The following CNR1 variants were observed in gnomAD, a reference collection of about 807,000 sequenced individuals.
CNR1 encodes cannabinoid receptor 1.
CNR1 carries 10 observed loss-of-function variants against 23.0 expected under a neutral mutation model. The ratio of observed to expected loss-of-function variants is 0.43; its 90% CI spans 0.27 to 0.74. The LOEUF is 0.74. Among genes scored for constraint, CNR1 ranks in the 30% least tolerant of loss-of-function variants. The pLI, the probability that CNR1 is intolerant of heterozygous loss-of-function variation, is 0.19. For synonymous variants in CNR1, 271 were observed against 255.2 expected, an observed-to-expected ratio of 1.06 and a Z score of -0.59; for missense variants, 422 against 618.8, an observed-to-expected ratio of 0.68 and a Z score of 3.37.
intron 1 of CNR1, chr6:88,164,120 A>G (rs920686993): frequency 2.0e-5 from 3 of 152,360 alleles, no homozygotes; most frequent in African/African-American, 7.2e-5. Flanking sequence ...TTGCTTTCCT[A>G]ACAACGAGTA....
At position 88,157,792 on chromosome 6, in the gene CNR1, T is replaced by C. The variant is rs148321004; in HGVS notation, c.-64+8011A>G. Among the ~76,000 whole-genome samples the C allele has an allele frequency of 2.1e-3, 324 of 152,272 alleles. 2 individuals are homozygous for C. Among genetic ancestry groups the C allele is most frequent in the Admixed American group, 5.7e-3 (87 of 15,300 alleles). ...CAATAATCACTACTGGTCCTAACTC[T>C]GTGATGAAAAAGAACAGAAAATTAA... On this transcript the variant is annotated intron_variant, in intron 1 of 1. Coordinates refer to ENST00000369501, the MANE Select transcript of CNR1 (RefSeq NM_016083.6).
At chr6:88,155,673 A>T (rs1207102830) in intron 1 of CNR1, among the ~76,000 whole-genome samples, 1 of 152,240 alleles carries the variant, frequency 6.6e-6, no homozygotes, top group Non-Finnish European at 1.5e-5. Context: ...TGATCTGTTG[A>T]CCAAAGCACT....
At chr6:88,151,489 T>G (rs1535255) in intron 1 of CNR1, among the ~76,000 whole-genome samples, 31,018 of 152,058 alleles carry the variant, frequency 0.2, 3,744 homozygotes, top group African/African-American at 0.33. Flanking sequence ...ATCTGTAAAA[T>G]GGGGATGAGG....
intron 1 of CNR1, among the ~76,000 whole-genome samples, chr6:88,165,453 G>A (rs1304340722): frequency 6.6e-6 from 1 of 152,164 alleles, no homozygotes; most frequent in Non-Finnish European, 1.5e-5. Flanking sequence ...AGCAGAGATC[G>A]ATGTATTTCC....
chr6:88,141,700 CAT>C lies in CNR1; in HGVS notation c.*2154_*2155del, dbSNP rs1379306066. ...CTAGCACCCTGAGCCTTCATCTGCA[CAT>C]GACAGAGAGGTAAAGTAAGGGAGCC... is the stretch of plus-strand genomic sequence containing the variant. On this transcript the variant is annotated 3_prime_UTR_variant, in exon 2 of 2. Transcript: ENST00000369501. 5.3e-5 allele frequency: 8 copies of C among 152,370 alleles called. No homozygotes were observed. The highest frequency in any genetic ancestry group is 8.8e-5 in the Non-Finnish European group (6 of 68,068). 9.4% of individuals were successfully genotyped at this position (152,370 alleles called of 1,614,324 possible). A position where few individuals can be genotyped will look rare whatever the true frequency, so the allele number is the denominator to read the frequency against.
At chr6:88,147,119 C>T (rs890656316) in intron 1 of CNR1, among the ~76,000 whole-genome samples, 2 of 151,866 alleles carry the variant, frequency 1.3e-5, no homozygotes, top group Middle Eastern at 3.2e-3. Flanking sequence ...GGTGAAACCC[C>T]GTCTCTACTA....
At chr6:88,158,868 T>C (rs1022006393) in intron 1 of CNR1, among the ~76,000 whole-genome samples, 4 of 152,172 alleles carry the variant, frequency 2.6e-5, no homozygotes, top group African/African-American at 9.7e-5. Flanking sequence ...ACTGAGGTAT[T>C]CCTATTTGGA....
At position 88,143,379 on chromosome 6, in the gene CNR1, A is replaced by G. The variant is rs899432709; in HGVS notation, c.*477T>C. 1.9e-5 allele frequency: 3 copies of G among 154,898 alleles called. No homozygotes were observed. The highest frequency in any genetic ancestry group is 7.2e-5 in the African/African-American group (3 of 41,486). 9.6% of individuals were successfully genotyped at this position (154,898 alleles called of 1,614,324 possible). A position where few individuals can be genotyped will look rare whatever the true frequency, so the allele number is the denominator to read the frequency against. On this transcript the variant is annotated 3_prime_UTR_variant, in exon 2 of 2. Transcript: ENST00000369501. ...ACCTTTCAGTTTTGCTGAACTAAAC[A>G]AATATTAATAGCACATAAACACTGA...
At chr6:88,148,842 C>T (rs1777357163) in intron 1 of CNR1, among the ~76,000 whole-genome samples, 1 of 152,200 alleles carries the variant, frequency 6.6e-6, no homozygotes, top group Non-Finnish European at 1.5e-5. Context: ...CTTAGCTCCT[C>T]CATGGTTGTG....
At chr6:88,153,827 T>C (rs926457778) in intron 1 of CNR1, among the ~76,000 whole-genome samples, 3 of 152,254 alleles carry the variant, frequency 2.0e-5, no homozygotes, top group Non-Finnish European at 2.9e-5. Context: ...GCAGATGCCA[T>C]AGGCCAACAT....
chr6:88,161,432 A>G (rs1182072789), intron 1 of CNR1, among the ~76,000 whole-genome samples: 1 of 152,236 alleles, frequency 6.6e-6, no homozygotes, highest in African/African-American at 2.4e-5. Context: ...TCCAAGTGAA[A>G]CTTAAATTAG....
intron 1 of CNR1, among the ~76,000 whole-genome samples, chr6:88,152,219 A>G (rs1582350891): frequency 7.2e-6 from 1 of 138,318 alleles, no homozygotes. Context: ...CGTCTCAAAA[A>G]AAAAAAAAAA....
intron 1 of CNR1, among the ~76,000 whole-genome samples, chr6:88,158,373 T>C (rs1777912840): frequency 6.6e-6 from 1 of 152,184 alleles, no homozygotes; most frequent in South Asian, 2.1e-4. Context: ...GTGAACATAT[T>C]GAATTAGTAA....
In CNR1 at chr6:88,142,754, GA is replaced by G. The variant is rs1345533873; in HGVS notation, c.*1101del. ...ACATTACTGTAACAGTTACAGGACA[GA>G]AACACACATACACACATTTATATTC... On this transcript the variant is annotated 3_prime_UTR_variant, in exon 2 of 2. Transcript: ENST00000369501. 1 of 152,518 alleles carries G rather than the reference GA, an allele frequency of 6.6e-6. No individual in the cohort carries two copies. The highest frequency in any genetic ancestry group is 2.4e-5 in the African/African-American group (1 of 41,418). 9.4% of individuals were successfully genotyped at this position (152,518 alleles called of 1,614,324 possible). A position where few individuals can be genotyped will look rare whatever the true frequency, so the allele number is the denominator to read the frequency against.
chr6:88,145,412 G>A (rs1582330039), intron 1 of CNR1, 75 bp from the exon 2 acceptor site: 1 of 710,774 alleles, frequency 1.4e-6, no homozygotes, highest in Non-Finnish European at 2.4e-6. Flanking sequence ...CTGTAAATGT[G>A]GCAAATGTAC....
rs1229384299 is a variant in CNR1 at position 88,145,093 on chromosome 6, T to G, written c.182A>C (p.Lys61Thr). 3 of 1,614,216 alleles carry G rather than the reference T, an allele frequency of 1.9e-6. No homozygotes were observed. Among genetic ancestry groups the G allele is most frequent in the Middle Eastern group, 1.6e-4 (1 of 6,062 alleles). The change falls in exon 2 of 2, where the codon AAG (lysine) becomes ACG (threonine). Residue 61 changes from lysine to threonine, a missense_variant. Coordinates refer to ENST00000369501, the MANE Select transcript of CNR1 (RefSeq NM_016083.6). The stretch of plus-strand genomic sequence containing the variant: ...CTGGGGGTTGTCTCCCGCAGTCATC[T>G]TCTCTTGGAAGGGACTTCCCCTAAA... Reference protein sequence around the residue: ...TSFRGSPFQEKMTAGDNPQLV... With the variant: ...TSFRGSPFQETMTAGDNPQLV...
At chr6:88,165,060 T>TA (rs1778300735) in intron 1 of CNR1, among the ~76,000 whole-genome samples, 1 of 152,242 alleles carries the variant, frequency 6.6e-6, no homozygotes, top group Non-Finnish European at 1.5e-5. Flanking sequence ...TTTGTTTTTT[T>TA]ATCTGTTCAA....
At position 88,141,622 on chromosome 6, in the gene CNR1, GTTC is replaced by G. The variant is rs1776823097; in HGVS notation, c.*2231_*2233del. The G allele has an allele frequency of 1.3e-5, 2 of 152,490 alleles. No individual in the cohort carries two copies. The highest frequency in any genetic ancestry group is 2.1e-4 in the South Asian group (1 of 4,822). The allele number at this position is 152,490 out of a possible 1,614,324, so 9.4% of individuals were successfully genotyped here. ...TTAAATGCAAACTAAACCCTGGTGA[GTTC>G]TTCTTGTAAATAATCTCTCCTGTCT... is the stretch of plus-strand genomic sequence containing the variant. On this transcript the variant is annotated 3_prime_UTR_variant, in exon 2 of 2. Coordinates refer to ENST00000369501, the MANE Select transcript of CNR1 (RefSeq NM_016083.6).
rs1298968929 is a variant in CNR1 at position 88,143,846 on chromosome 6, G to C, written c.*10C>G. The C allele has an allele frequency of 6.2e-7, 1 of 1,604,068 alleles. No individual in the cohort carries two copies. The highest frequency in any genetic ancestry group is 8.5e-7 in the Non-Finnish European group (1 of 1,172,434). Reference sequence around the variant, plus strand: ...AATTCTTTTCCTGTGCTGCCAGGGAGGCATCAGGCTCACAGAGCCTCGGCA... The same window carrying C: ...AATTCTTTTCCTGTGCTGCCAGGGACGCATCAGGCTCACAGAGCCTCGGCA... On this transcript the variant is annotated 3_prime_UTR_variant, in exon 2 of 2. Transcript: ENST00000369501.
Sources: gnomAD v4.1 joint callset for allele counts (sites outside exome capture counted in the v4.1 genomes callset) on GRCh38, gnomAD v4.1.1 for gene constraint, MANE v1.5 for transcripts, NCBI Gene and HGNC (gene_info 2026-07-23, HGNC 2026-07-21) for gene names.